The following EGFR variants were observed in gnomAD, a reference collection of about 807,000 sequenced individuals.
EGFR encodes avian erythroblastic leukemia viral (v-erb-b) oncogene homolog.
Under a neutral mutation model 143.0 loss-of-function variants are expected in EGFR, and 58 were observed. That is an observed-to-expected ratio of 0.41 (90% confidence interval 0.33 to 0.50). EGFR has a LOEUF of 0.50. Ranked by LOEUF, EGFR falls within the 20% of genes least tolerant of loss-of-function variation. The probability of loss-of-function intolerance (pLI) is 0.39; values close to 1 mark genes in which losing one functional copy is unlikely to be tolerated. For missense variants in EGFR, 1,307 were observed against 1,579.0 expected, an observed-to-expected ratio of 0.83 and a Z score of 2.92; for synonymous variants, 613 against 594.4, an observed-to-expected ratio of 1.03 and a Z score of -0.45.
In EGFR at chr7:55,173,102, G is replaced by A. The variant is rs373336251; in HGVS notation, c.2039G>A (p.Arg680Gln). The change falls in exon 17 of 28, where the codon CGG becomes CAG. Residue 680 changes from arginine to glutamine, a missense_variant. By Grantham distance (43) the Arg-to-Gln change is conservative. Around this residue, in one of 7 missense-constraint regions of EGFR, gnomAD observed 348 missense variants for 451.5 expected, o/e 0.77. Coordinates refer to ENST00000275493, the MANE Select transcript of EGFR (RefSeq NM_005228.5). ...CACATCGTTCGGAAGCGCACGCTGCGGAGGCTGCTGCAGGAGAGGGAGGTG... is the reference window on the plus strand; with the variant it reads ...CACATCGTTCGGAAGCGCACGCTGCAGAGGCTGCTGCAGGAGAGGGAGGTG... The part of the protein sequence containing the change: ...RRHIVRKRTL[R>Q]RLLQERELVE... 79 of 1,611,588 alleles carry A rather than the reference G, an allele frequency of 4.9e-5. No individual in the cohort carries two copies. The highest frequency in any genetic ancestry group is 6.7e-5 in the African/African-American group (5 of 74,932).
chr7:55,156,521 T>G lies in EGFR; in HGVS notation c.1007-12T>G. 1.2e-6 allele frequency: 2 copies of G among 1,614,158 alleles called. No homozygotes were observed. The highest frequency in any genetic ancestry group is 1.3e-5 in the African/African-American group (1 of 75,052). On this transcript the variant is annotated splice_polypyrimidine_tract_variant and intron_variant, in intron 8 of 27. Transcript: ENST00000275493. ...AATGTGAACGGAATACACGTCTCTC[T>G]TATCTCTGCAGTGTGTAACGGAATA... is the stretch of plus-strand genomic sequence containing the variant.
chr7:55,145,246 G>A lies in EGFR; in HGVS notation c.425-1360G>A, dbSNP rs542792795. Reference sequence around the variant, plus strand: ...CTCTCAGGTCTTTGGTCTGTTGTCCGAGCTGCCACAGCAGCCTGGACATCC... The same window carrying A: ...CTCTCAGGTCTTTGGTCTGTTGTCCAAGCTGCCACAGCAGCCTGGACATCC... On this transcript the variant is annotated intron_variant, in intron 3 of 27. Coordinates refer to ENST00000275493, the MANE Select transcript of EGFR (RefSeq NM_005228.5). 3.9e-5 allele frequency among the ~76,000 whole-genome samples: 6 copies of A among 152,220 alleles called. No homozygotes were observed. The South Asian group carries it at 8.3e-4, about 21-fold the overall frequency.
At chr7:55,045,308 A>C (rs141521349) in intron 1 of EGFR, among the ~76,000 whole-genome samples, 1,726 of 152,330 alleles carry the variant, frequency 0.011, 28 homozygotes, top group African/African-American at 0.039. Flanking sequence ...TAAATTAATA[A>C]GTTTTAGAGA....
intron 1 of EGFR, among the ~76,000 whole-genome samples, chr7:55,140,538 C>G (rs1794402129): frequency 6.6e-6 from 1 of 152,206 alleles, no homozygotes; most frequent in Admixed American, 6.5e-5. Flanking sequence ...GTGCTGACAT[C>G]TTTAAGAACC....
chr7:55,043,116 G>A lies in EGFR; in HGVS notation c.88+23751G>A, dbSNP rs74443197. Among the ~76,000 whole-genome samples, 235 of 152,168 alleles carry A rather than the reference G, an allele frequency of 1.5e-3. 3 individuals carry two copies. In the East Asian group the frequency reaches 0.039, roughly 25 times the overall value. ...ATGTTAATACTTGATGAGATCGGGC[G>A]CGTTCAAGGTGGCATGGCCGTAGAC... On this transcript the variant is annotated intron_variant, in intron 1 of 27. Coordinates refer to ENST00000275493, the MANE Select transcript of EGFR (RefSeq NM_005228.5).
intron 1 of EGFR, among the ~76,000 whole-genome samples, chr7:55,131,849 A>C (rs1391311920): frequency 6.6e-6 from 1 of 151,852 alleles, no homozygotes; most frequent in South Asian, 2.1e-4. Context: ...AACAGCTGTC[A>C]TGGAACAGTG....
intron 1 of EGFR, among the ~76,000 whole-genome samples, chr7:55,027,598 GT>G (rs1302545514): frequency 6.6e-6 from 1 of 152,196 alleles, no homozygotes. Context: ...CCAGGTTATA[GT>G]TGATAGCTTT....
chr7:55,190,242 T>C (rs1787328557), intron 20 of EGFR, among the ~76,000 whole-genome samples: 1 of 151,974 alleles, frequency 6.6e-6, no homozygotes, highest in African/African-American at 2.4e-5. Context: ...AGCACTAACG[T>C]CCAGCAGCAT....
chr7:55,087,420 G>T (rs1470150092), intron 1 of EGFR, among the ~76,000 whole-genome samples: 10 of 152,248 alleles, frequency 6.6e-5, no homozygotes, highest in Non-Finnish European at 1.5e-4. Flanking sequence ...AGGGCCTACT[G>T]AGTTAGAATA....
At chr7:55,055,889 T>G (rs866848750) in intron 1 of EGFR, among the ~76,000 whole-genome samples, 1 of 152,252 alleles carries the variant, frequency 6.6e-6, no homozygotes, top group Middle Eastern at 3.4e-3. Flanking sequence ...CCACTTGCCA[T>G]GTTCACCACA....
At chr7:55,181,208 T>G (rs2128958013) in intron 19 of EGFR, 85 bp from the exon 20 acceptor site, 1 of 1,493,150 alleles carries the variant, frequency 6.7e-7, no homozygotes, top group Non-Finnish European at 9.3e-7. Flanking sequence ...ATCGCATTCA[T>G]GCGTCTTCAC....
intron 1 of EGFR, among the ~76,000 whole-genome samples, chr7:55,024,359 A>G (rs538557395): frequency 6.6e-6 from 1 of 152,330 alleles, no homozygotes; most frequent in South Asian, 2.1e-4. Context: ...GCAGTATGGA[A>G]ACACTAACAT....
In EGFR at chr7:55,173,052, G is replaced by A. The variant is rs748898746; in HGVS notation, c.1989G>A (p.Gly663=). 4 of 1,613,864 alleles carry A rather than the reference G, an allele frequency of 2.5e-6. No individual in the cohort carries two copies. Among genetic ancestry groups the A allele is most frequent in the East Asian group, 2.2e-5 (1 of 44,874 alleles). The change falls in exon 17 of 28, where the codon GGG becomes GGA. Residue 663 remains glycine (G), a synonymous_variant. Transcript: ENST00000275493. ...ALLLLLVVAL[G]IGLFMRRRHI... ...TCTTGCTGCTGGTGGTGGCCCTGGG[G>A]ATCGGCCTCTTCATGCGAAGGCGCC...
chr7:55,188,561 A>G (rs1425273181), intron 20 of EGFR, among the ~76,000 whole-genome samples: 1 of 152,158 alleles, frequency 6.6e-6, no homozygotes, highest in Non-Finnish European at 1.5e-5. Context: ...TTTTAATTTC[A>G]ATTAAAGTGA....
intron 17 of EGFR, 25 bp downstream of exon 17, chr7:55,173,149 C>T (rs773627124): frequency 6.2e-7 from 1 of 1,605,546 alleles, no homozygotes. Flanking sequence ...TGGGTGGGCT[C>T]AGGAGCCCTC....
intron 1 of EGFR, among the ~76,000 whole-genome samples, chr7:55,065,238 A>G (rs751127853): frequency 6.6e-6 from 1 of 152,216 alleles, no homozygotes; most frequent in Non-Finnish European, 1.5e-5. Context: ...CCTTTAATGC[A>G]TAAACACTGA....
At chr7:55,141,138 C>G (rs1356244392) in intron 1 of EGFR, among the ~76,000 whole-genome samples, 6 of 152,170 alleles carry the variant, frequency 3.9e-5, no homozygotes, top group Admixed American at 6.5e-5. Flanking sequence ...GAGGAAGAAC[C>G]TGGCCAAGGC....
At chr7:55,182,507 G>A (rs1278299255) in intron 20 of EGFR, 1 of 152,250 alleles carries the variant, frequency 6.6e-6, no homozygotes, top group Non-Finnish European at 1.5e-5. Flanking sequence ...AACATCTGGA[G>A]CGCTCTTATG....
intron 15 of EGFR, among the ~76,000 whole-genome samples, chr7:55,168,097 C>T (rs192302032): frequency 2.6e-5 from 4 of 152,302 alleles, no homozygotes; most frequent in Admixed American, 1.3e-4. Context: ...TTCATATTTT[C>T]GCCTTTGGGT....
Sources: allele counts gnomAD v4.1 joint callset (sites outside exome capture counted in the v4.1 genomes callset), GRCh38; gene constraint gnomAD v4.1.1; regional missense constraint gnomAD v4.1.1; transcripts MANE v1.5; gene names NCBI Gene and HGNC (gene_info 2026-07-23, HGNC 2026-07-21).